COL21A1: variants seen among roughly 807,000 people sequenced by gnomAD.
The protein encoded by COL21A1 is collagen type XXI alpha 1 chain.
Under a neutral mutation model 137.9 loss-of-function variants are expected in COL21A1, and 149 were observed. That is an observed-to-expected ratio of 1.08 (90% CI 0.95 to 1.24). COL21A1 has a LOEUF of 1.24. COL21A1 is among the 50% of genes most tolerant of loss of function. COL21A1 has a pLI of 0.00. For synonymous variants in COL21A1, 456 were observed against 391.5 expected (o/e 1.16, Z -1.95); for missense variants, 1,167 against 1,158.4 (o/e 1.01, Z -0.11).
At chr6:56,277,519 T>C (rs1298729838) in intron 1 of COL21A1, among the ~76,000 whole-genome samples, 3 of 152,238 alleles carry the variant, frequency 2.0e-5, no homozygotes, top group African/African-American at 4.8e-5. Context: ...CAAGAGGTAT[T>C]TTCATTAGCA....
intron 22 of COL21A1, 132 bp downstream of exon 22, chr6:56,068,914 C>A: frequency 1.5e-6 from 1 of 651,758 alleles, no homozygotes; most frequent in African/African-American, 1.9e-5. Flanking sequence ...ATTATACATA[C>A]ATCGAATATA....
chr6:56,183,416 G>A (rs969508822), intron 1 of COL21A1, among the ~76,000 whole-genome samples: 5 of 152,164 alleles, frequency 3.3e-5, no homozygotes, highest in Admixed American at 2.0e-4. Flanking sequence ...CTGATGAGAA[G>A]GAATTTGCCA....
chr6:56,230,259 G>C (rs761673265), intron 1 of COL21A1, among the ~76,000 whole-genome samples: 2 of 151,842 alleles, frequency 1.3e-5, no homozygotes, highest in African/African-American at 4.8e-5. Context: ...AAGGCTGGGG[G>C]AATCTTGTAT....
At chr6:56,175,243 A>G (rs1195921254) in intron 3 of COL21A1, among the ~76,000 whole-genome samples, 1 of 152,144 alleles carries the variant, frequency 6.6e-6, no homozygotes, top group African/African-American at 2.4e-5. Flanking sequence ...CAAGACAAAG[A>G]TACCTAATTT....
At chr6:56,284,867 C>G (rs1040592835) in intron 1 of COL21A1, among the ~76,000 whole-genome samples, 1 of 152,162 alleles carries the variant, frequency 6.6e-6, no homozygotes, top group East Asian at 1.9e-4. Flanking sequence ...CTTCCTGGGT[C>G]CATGGACATG....
intron 1 of COL21A1, among the ~76,000 whole-genome samples, chr6:56,338,034 C>T (rs542806715): frequency 1.3e-5 from 2 of 148,304 alleles, no homozygotes; most frequent in South Asian, 2.2e-4. Flanking sequence ...GCAATCTCGG[C>T]TCACTGCAAC....
At chr6:56,100,384 A>G (rs1444488234) in intron 17 of COL21A1, among the ~76,000 whole-genome samples, 7 of 152,268 alleles carry the variant, frequency 4.6e-5, no homozygotes, top group East Asian at 3.9e-4. Flanking sequence ...TGTTTTTACA[A>G]TTTTTAAAAA....
At chr6:56,276,799 T>A in intron 1 of COL21A1, 5 of 827,202 alleles carry the variant, frequency 6.0e-6, no homozygotes, top group Non-Finnish European at 7.5e-6. Flanking sequence ...GTGAGTTGTG[T>A]TTTTTTTGTT....
chr6:56,366,308 CCT>C (rs1212299328), intron 1 of COL21A1, among the ~76,000 whole-genome samples: 1 of 152,120 alleles, frequency 6.6e-6, no homozygotes, highest in Non-Finnish European at 1.5e-5. Flanking sequence ...CCATAACAAC[CCT>C]CTCTGCAAGT....
chr6:56,318,851 T>C (rs1256372114), intron 1 of COL21A1, among the ~76,000 whole-genome samples: 1 of 152,020 alleles, frequency 6.6e-6, no homozygotes, highest in Non-Finnish European at 1.5e-5. Flanking sequence ...TTTGAATCCG[T>C]TTTTTCAGTA....
chr6:56,260,685 AAGGAAGGCAGGC>A (rs1327232230), intron 1 of COL21A1, among the ~76,000 whole-genome samples: 26 of 105,212 alleles, frequency 2.5e-4, no homozygotes, highest in African/African-American at 1.0e-3. Flanking sequence ...GGAAGGAAGG[AAGGAAGGCAGGC>A]AGGCAGGCAG....
intron 1 of COL21A1, among the ~76,000 whole-genome samples, chr6:56,206,697 A>T (rs2840998): frequency 0.15 from 4,220 of 28,454 alleles, 107 homozygotes; most frequent in Non-Finnish European, 0.17. Context: ...TAAATAAATA[A>T]ATATATATAT....
intron 1 of COL21A1, among the ~76,000 whole-genome samples, chr6:56,354,280 T>C (rs1765782983): frequency 1.3e-5 from 2 of 152,220 alleles, no homozygotes; most frequent in Admixed American, 6.5e-5. Flanking sequence ...TCTCTTGATA[T>C]AGTTGTTATA....
intron 20 of COL21A1, among the ~76,000 whole-genome samples, chr6:56,072,784 C>T (rs978334412): frequency 4.0e-5 from 6 of 151,352 alleles, no homozygotes; most frequent in African/African-American, 1.5e-4. Flanking sequence ...GTTTCCAACA[C>T]CTAATATACA....
chr6:56,064,571 A>G lies in COL21A1; in HGVS notation c.2172+7T>C, dbSNP rs1422627644. ...TCATTTTTTATCAGAAGAAAACCAA[A>G]AAATACCTGTTGCCCTGGAATTCCC... On this transcript the variant is annotated splice_region_variant and intron_variant, in intron 24 of 29. Coordinates refer to ENST00000244728, the MANE Select transcript of COL21A1 (RefSeq NM_030820.4). 1.3e-6 allele frequency: 2 copies of G among 1,589,198 alleles called. No individual in the cohort carries two copies. Among genetic ancestry groups the G allele is most frequent in the Admixed American group, 3.5e-5 (2 of 57,508 alleles).
At chr6:56,139,617 C>T (rs1239100750) in intron 12 of COL21A1, among the ~76,000 whole-genome samples, 1 of 152,118 alleles carries the variant, frequency 6.6e-6, no homozygotes, top group African/African-American at 2.4e-5. Flanking sequence ...AGAAGTAATA[C>T]CACTAACATA....
intron 1 of COL21A1, among the ~76,000 whole-genome samples, chr6:56,367,604 C>G (rs941115695): frequency 1.3e-5 from 2 of 152,178 alleles, no homozygotes; most frequent in Non-Finnish European, 2.9e-5. Flanking sequence ...ACCTAAATGA[C>G]CAAGCCAATG....
At chr6:56,279,119 T>A (rs1052017119) in intron 1 of COL21A1, among the ~76,000 whole-genome samples, 1 of 152,112 alleles carries the variant, frequency 6.6e-6, no homozygotes, top group Non-Finnish European at 1.5e-5. Context: ...TTGGTGCTGA[T>A]CTCCTTATAG....
At chr6:56,160,321 C>T (rs1050337654) in intron 9 of COL21A1, among the ~76,000 whole-genome samples, 1 of 152,110 alleles carries the variant, frequency 6.6e-6, no homozygotes, top group South Asian at 2.1e-4. Flanking sequence ...TTTTATTATT[C>T]CCATTTTCTG....
Sources: gnomAD v4.1 joint callset for allele counts (sites outside exome capture counted in the v4.1 genomes callset) on GRCh38, gnomAD v4.1.1 for gene constraint, MANE v1.5 for transcripts, NCBI Gene and HGNC (gene_info 2026-07-23, HGNC 2026-07-21) for gene names.